The following KIF1A variants were observed in gnomAD, a reference collection of about 807,000 sequenced individuals.
KIF1A encodes kinesin-like protein KIF1A.
In KIF1A, 46 loss-of-function variants were observed where a neutral mutation model predicts 227.3. The observed-to-expected ratio is 0.20, with a 90% CI of 0.16 to 0.26. The LOEUF is 0.26. Ranked by LOEUF, KIF1A falls within the 10% of genes least tolerant of loss-of-function variation. The pLI, the probability that KIF1A is intolerant of heterozygous loss-of-function variation, is 1.00. For synonymous variants in KIF1A, 1,022 were observed against 1,012.8 expected (o/e 1.01, Z -0.17); for missense variants, 1,683 against 2,485.9 (o/e 0.68, Z 6.87).
intron 1 of KIF1A, among the ~76,000 whole-genome samples, chr2:240,812,901 G>C (rs2058012051): frequency 6.7e-6 from 1 of 149,606 alleles, no homozygotes; most frequent in Admixed American, 6.6e-5. Context: ...TCACCTCGGG[G>C]ATCCGCCTTC....
Position 240,726,748 on chromosome 2 carries a change from G to A in KIF1A, c.4122+78C>T. On this transcript the variant is annotated intron_variant, in intron 39 of 48. Transcript: ENST00000498729. This position sits in a 1 kb window ranked among gnomAD's most constrained non-coding sequence, Gnocchi z 5.2. Reference sequence around the variant, plus strand: ...AGAGAAGTCGTCTGGGTCATATGGGGTTGTCCAGAGCTTACAAGAACCTCA... The same window carrying A: ...AGAGAAGTCGTCTGGGTCATATGGGATTGTCCAGAGCTTACAAGAACCTCA... The A allele has an allele frequency of 5.0e-6, 4 of 801,216 alleles. No individual in the cohort carries two copies. The South Asian group carries it at 6.4e-5, about 13-fold the overall frequency. 49.6% of individuals were successfully genotyped at this position (801,216 alleles called of 1,614,324 possible). A position where few individuals can be genotyped will look rare whatever the true frequency, so the allele number is the denominator to read the frequency against.
Position 240,736,587 on chromosome 2 carries a change from T to C in KIF1A, c.4007+476A>G, listed in dbSNP as rs894593901. 1.3e-5 allele frequency among the ~76,000 whole-genome samples: 2 copies of C among 152,188 alleles called. No homozygotes were observed. Among genetic ancestry groups the C allele is most frequent in the Non-Finnish European group, 2.9e-5 (2 of 68,034 alleles). ...CGCCCAGACTGTGGGGTCTTGGCCG[T>C]GCAAGGAGTGTAGGAAGGAGCAGCC... On this transcript the variant is annotated intron_variant, in intron 38 of 48. Coordinates refer to ENST00000498729, the MANE Select transcript of KIF1A (RefSeq NM_001244008.2). This position sits in a 1 kb window ranked among gnomAD's most constrained non-coding sequence, Gnocchi z 4.7.
At chr2:240,720,274 C>T in intron 45 of KIF1A, 1 of 199,628 alleles carries the variant, frequency 5.0e-6, no homozygotes, top group Non-Finnish European at 1.0e-5. Context: ...CACAACTAGA[C>T]TGAAGGTGAC....
intron 33 of KIF1A, among the ~76,000 whole-genome samples, chr2:240,743,737 C>T (rs2048269180): frequency 1.3e-5 from 2 of 152,350 alleles, no homozygotes; most frequent in African/African-American, 2.4e-5. Context: ...TCTGCAGTCC[C>T]GAAGGAGAGA....
At chr2:240,807,438 C>T (rs1216673167) in intron 1 of KIF1A, among the ~76,000 whole-genome samples, 2 of 152,146 alleles carry the variant, frequency 1.3e-5, no homozygotes, top group African/African-American at 2.4e-5. Context: ...CCACCGCACC[C>T]AGCCCCTTCC....
Position 240,758,459 on chromosome 2 carries a change from G to A in KIF1A, c.2483C>T (p.Ala828Val). The A allele has an allele frequency of 6.2e-7, 1 of 1,608,724 alleles. No homozygotes were observed. The highest frequency in any genetic ancestry group is 8.5e-7 in the Non-Finnish European group (1 of 1,177,390). ...GATGACACTGGAGGGCACCTCTGCAGCGCGGTCGTACATCTCCCGCATCAG... is the reference window on the plus strand; with the variant it reads ...GATGACACTGGAGGGCACCTCTGCAACGCGGTCGTACATCTCCCGCATCAG... ...LDLMREMYDR[A>V]AEVPSSVIED... is the part of the protein sequence containing the mutation. The change falls in exon 26 of 49, where the codon GCT becomes GTT. Residue 828 changes from alanine (A) to valine (V), a missense_variant. Ala to Val is a moderately conservative substitution (Grantham distance 64). Around this residue, in one of 12 missense-constraint regions of KIF1A, gnomAD observed 759 missense variants for 1,020.2 expected, o/e 0.74. Coordinates refer to ENST00000498729, the MANE Select transcript of KIF1A (RefSeq NM_001244008.2). The surrounding 1 kb of genome is among the most constrained non-coding windows in gnomAD (Gnocchi z 5.2).
At chr2:240,719,697 A>T in intron 46 of KIF1A, 77 bp downstream of exon 46, 2 of 1,399,104 alleles carry the variant, frequency 1.4e-6, no homozygotes, top group Non-Finnish European at 1.9e-6. Context: ...TGCCCCCAGT[A>T]TGGGGAGCAG....
chr2:240,804,116 A>G (rs1229564591), intron 1 of KIF1A, among the ~76,000 whole-genome samples: 1 of 152,118 alleles, frequency 6.6e-6, no homozygotes, highest in Admixed American at 6.5e-5. Context: ...AAATACAAAA[A>G]TTAGCTGGGT....
chr2:240,746,139 G>A lies in KIF1A; in HGVS notation c.3102C>T (p.Arg1034=). ...GAAGCTCTTCCTGGGAGGTTCCCGAGCGGGACATCCCCACCACGGGGCAAG... is the reference window on the plus strand; with the variant it reads ...GAAGCTCTTCCTGGGAGGTTCCCGAACGGGACATCCCCACCACGGGGCAAG... ...SESCPVVGMS[R]SGTSQEELRI... Residue 1034 remains arginine, a synonymous_variant, in exon 30 of 49, where the codon CGC becomes CGT. Coordinates refer to ENST00000498729, the MANE Select transcript of KIF1A (RefSeq NM_001244008.2). 1.9e-6 allele frequency: 3 copies of A among 1,569,624 alleles called. No homozygotes were observed. The highest frequency in any genetic ancestry group is 2.6e-6 in the Non-Finnish European group (3 of 1,157,880).
At chr2:240,737,290 C>T in intron 37 of KIF1A, 122 bp from the exon 38 acceptor site, 3 of 763,246 alleles carry the variant, frequency 3.9e-6, no homozygotes, top group Non-Finnish European at 4.7e-6. Context: ...GAGCGTCTGT[C>T]AAAGGCGGTG....
intron 5 of KIF1A, among the ~76,000 whole-genome samples, chr2:240,786,792 G>A (rs1464736056): frequency 6.6e-6 from 1 of 150,842 alleles, no homozygotes; most frequent in African/African-American, 2.5e-5. Context: ...CTGAGTGAGG[G>A]GGTGGGGGCT....
intron 30 of KIF1A, 26 bp from the exon 31 acceptor site, chr2:240,745,935 T>C (rs746246495): frequency 5.6e-6 from 9 of 1,594,708 alleles, no homozygotes; most frequent in Admixed American, 1.7e-5. Flanking sequence ...GAGAGAGTCA[T>C]GGACCTCCAG....
At position 240,775,968 on chromosome 2, in the gene KIF1A, C is replaced by A; in HGVS notation, c.883-42G>T. 7.2e-7 allele frequency: 1 copy of A among 1,397,156 alleles called. No individual in the cohort carries two copies. Among genetic ancestry groups the A allele is most frequent in the Non-Finnish European group, 1.0e-6 (1 of 983,420 alleles). The allele number at this position is 1,397,156 out of a possible 1,614,324, so 86.5% of individuals were successfully genotyped here. A position where few individuals can be genotyped will look rare whatever the true frequency, so the allele number is the denominator to read the frequency against. The stretch of plus-strand genomic sequence containing the variant: ...TTCAAGGTCAAGCCCGAGCCCACTG[C>A]AGAGGAAGCGAAAGGGAGGGGCCAG... On this transcript the variant is annotated intron_variant, in intron 10 of 48. Coordinates refer to ENST00000498729, the MANE Select transcript of KIF1A (RefSeq NM_001244008.2). The surrounding 1 kb of genome is among the most constrained non-coding windows in gnomAD (Gnocchi z 5.5).
intron 37 of KIF1A, among the ~76,000 whole-genome samples, chr2:240,738,645 G>A (rs1446872315): frequency 6.6e-6 from 1 of 152,162 alleles, no homozygotes; most frequent in Non-Finnish European, 1.5e-5. Flanking sequence ...GGGAGCATTG[G>A]GGTTCATACC....
chr2:240,807,194 G>A (rs1341129973), intron 1 of KIF1A, among the ~76,000 whole-genome samples: 4 of 150,780 alleles, frequency 2.7e-5, no homozygotes, highest in African/African-American at 9.7e-5. Context: ...TGCTCAGGCT[G>A]GAGTGCAATG....
In KIF1A at chr2:240,778,511, T is replaced by TTTACACACACACAC. The variant is rs2053079562; in HGVS notation, c.883-2586_883-2585insGTGTGTGTGTGTAA. ...GGCGCTCGCAGCTCCCGCACAGCGT[T>TTTACACACACACAC]ACACACACACACACACACACACACA... On this transcript the variant is annotated intron_variant, in intron 10 of 48. Transcript: ENST00000498729. The surrounding 1 kb of genome is among the most constrained non-coding windows in gnomAD (Gnocchi z 7.2). 7.5e-6 allele frequency among the ~76,000 whole-genome samples: 1 copy of TTTACACACACACAC among 134,128 alleles called. No individual in the cohort carries two copies. The highest frequency in any genetic ancestry group is 1.6e-5 in the Non-Finnish European group (1 of 63,808). The allele number at this position is 134,128 out of a possible 152,430, so 88.0% of individuals were successfully genotyped here. A position where few individuals can be genotyped will look rare whatever the true frequency, so the allele number is the denominator to read the frequency against.
chr2:240,746,035 C>A lies in KIF1A; in HGVS notation c.3202+4G>T. 6.2e-7 allele frequency: 1 copy of A among 1,607,484 alleles called. No individual in the cohort carries two copies. The highest frequency in any genetic ancestry group is 8.5e-7 in the Non-Finnish European group (1 of 1,177,412). Reference sequence around the variant, plus strand: ...GCCCTGGGCAGCTGGGGTGGGCGACCCACCTGAACAGGTGTTGTTGTTGAC... The same window carrying A: ...GCCCTGGGCAGCTGGGGTGGGCGACACACCTGAACAGGTGTTGTTGTTGAC... On this transcript the variant is annotated splice_donor_region_variant and intron_variant, in intron 30 of 48. Transcript: ENST00000498729.
At chr2:240,751,279 T>G (rs2049173698) in intron 27 of KIF1A, among the ~76,000 whole-genome samples, 1 of 152,174 alleles carries the variant, frequency 6.6e-6, no homozygotes, top group South Asian at 2.1e-4. Context: ...GAGAGGACCC[T>G]GGAAGACCCC....
Position 240,787,024 on chromosome 2 carries a change from C to T in KIF1A, c.429+227G>A, listed in dbSNP as rs554004200. Among the ~76,000 whole-genome samples the T allele has an allele frequency of 9.8e-5, 15 of 152,320 alleles. No individual in the cohort carries two copies. In the South Asian group the frequency reaches 2.7e-3, roughly 27 times the overall value. ...CACCTGCCCATGCCCTGGCACAGAGCAGCTGCTGGAGAAGCACCTGCCAGG... is the reference window on the plus strand; with the variant it reads ...CACCTGCCCATGCCCTGGCACAGAGTAGCTGCTGGAGAAGCACCTGCCAGG... On this transcript the variant is annotated intron_variant, in intron 5 of 48. Coordinates refer to ENST00000498729, the MANE Select transcript of KIF1A (RefSeq NM_001244008.2).
Sources: allele counts gnomAD v4.1 joint callset (sites outside exome capture counted in the v4.1 genomes callset), GRCh38; gene constraint gnomAD v4.1.1; regional missense constraint gnomAD v4.1.1; non-coding constraint Gnocchi (gnomAD v3.1); transcripts MANE v1.5; gene names NCBI Gene and HGNC (gene_info 2026-07-23, HGNC 2026-07-21).